Variants in TMEM163 observed in about 807,000 individuals in gnomAD.
The protein encoded by TMEM163 is transmembrane protein 163.
In TMEM163, 17 loss-of-function variants were observed where a neutral mutation model predicts 29.3. The ratio of observed to expected loss-of-function variants is 0.58; its 90% CI spans 0.40 to 0.87. The LOEUF is 0.87. TMEM163 is among the 40% of genes least tolerant of loss of function. The pLI is 0.00. For synonymous variants in TMEM163, 157 were observed against 160.6 expected, an observed-to-expected ratio of 0.98 and a Z score of 0.17; for missense variants, 303 against 381.5, an observed-to-expected ratio of 0.79 and a Z score of 1.71.
chr2:134,669,439 A>G (rs1018617465), intron 2 of TMEM163, among the ~76,000 whole-genome samples: 3 of 152,254 alleles, frequency 2.0e-5, no homozygotes, highest in African/African-American at 7.2e-5. Flanking sequence ...TCAGATCCCT[A>G]GTACAGATTC....
intron 2 of TMEM163, among the ~76,000 whole-genome samples, chr2:134,670,257 A>T (rs529004044): frequency 6.6e-6 from 1 of 152,256 alleles, no homozygotes; most frequent in East Asian, 1.9e-4. Flanking sequence ...TTTAAAAAAA[A>T]AAGTAAGAGT....
In TMEM163 at chr2:134,677,517, A is replaced by G. The variant is rs575398221; in HGVS notation, c.322+35683T>C. On this transcript the variant is annotated intron_variant, in intron 2 of 7. Coordinates refer to ENST00000281924, the MANE Select transcript of TMEM163 (RefSeq NM_030923.5). ...ATTGCTTTTATAAGCAAAAGAAAAA[A>G]GTTAAATTCCTCTTGCGGGGAGCAG... Among the ~76,000 whole-genome samples, 15 of 152,334 alleles carry G rather than the reference A, an allele frequency of 9.8e-5. No homozygotes were observed. In the South Asian group the frequency reaches 3.1e-3, roughly 32 times the overall value.
intron 2 of TMEM163, among the ~76,000 whole-genome samples, chr2:134,598,639 C>T (rs890859285): frequency 2.6e-5 from 4 of 152,076 alleles, no homozygotes; most frequent in Non-Finnish European, 4.4e-5. Context: ...GCAGGCTGGG[C>T]GTGGTGGCTC....
chr2:134,701,159 A>C (rs1386893469), intron 2 of TMEM163, among the ~76,000 whole-genome samples: 2 of 151,946 alleles, frequency 1.3e-5, no homozygotes, highest in African/African-American at 4.8e-5. Flanking sequence ...CAAATTAAAA[A>C]GTTAAATATA....
chr2:134,540,101 C>A (rs961098945), intron 4 of TMEM163, among the ~76,000 whole-genome samples: 2 of 152,202 alleles, frequency 1.3e-5, no homozygotes, highest in Non-Finnish European at 2.9e-5. Context: ...GAAACAGGGG[C>A]CCCATCCATA....
chr2:134,707,257 G>C (rs1373318058), intron 2 of TMEM163, among the ~76,000 whole-genome samples: 1 of 152,226 alleles, frequency 6.6e-6, no homozygotes, highest in African/African-American at 2.4e-5. Context: ...GCCCGGGGCT[G>C]TGAAAAGTCC....
intron 2 of TMEM163, among the ~76,000 whole-genome samples, chr2:134,560,163 G>C (rs79275826): frequency 2.0e-5 from 3 of 152,074 alleles, no homozygotes; most frequent in Non-Finnish European, 2.9e-5. Context: ...ACCTGCCCTC[G>C]TTCCCAATCT....
intron 2 of TMEM163, among the ~76,000 whole-genome samples, chr2:134,639,569 C>A (rs185723327): frequency 5.3e-5 from 8 of 152,314 alleles, no homozygotes; most frequent in African/African-American, 1.9e-4. Flanking sequence ...AGGCTCACAG[C>A]AAAATGTCAC....
intron 2 of TMEM163, among the ~76,000 whole-genome samples, chr2:134,593,104 A>G (rs2104803611): frequency 6.6e-6 from 1 of 152,314 alleles, no homozygotes; most frequent in East Asian, 1.9e-4. Context: ...ACTGATTAAG[A>G]TGCTACGAGC....
At chr2:134,457,648 A>C (rs1447046246) in intron 7 of TMEM163, among the ~76,000 whole-genome samples, 1 of 152,210 alleles carries the variant, frequency 6.6e-6, no homozygotes, top group Non-Finnish European at 1.5e-5. Flanking sequence ...ACACTGTTGC[A>C]TCCCCCATTT....
At chr2:134,520,436 A>G (rs1680168381) in intron 4 of TMEM163, among the ~76,000 whole-genome samples, 2 of 152,228 alleles carry the variant, frequency 1.3e-5, no homozygotes, top group Admixed American at 1.3e-4. Flanking sequence ...GCAACCTAGC[A>G]GGGTATGACC....
intron 2 of TMEM163, among the ~76,000 whole-genome samples, chr2:134,629,336 T>C (rs1003102512): frequency 3.3e-5 from 5 of 152,214 alleles, no homozygotes; most frequent in Non-Finnish European, 7.3e-5. Context: ...AAAAAATATA[T>C]TAATCGTTTC....
At chr2:134,519,889 CAAA>C (rs552174731) in intron 4 of TMEM163, among the ~76,000 whole-genome samples, 9 of 96,164 alleles carry the variant, frequency 9.4e-5, no homozygotes, top group East Asian at 2.5e-4. Context: ...GACCCCACCT[CAAA>C]AAAAAAAAAA....
chr2:134,718,075 G>C (rs776656111), intron 1 of TMEM163, among the ~76,000 whole-genome samples: 23 of 152,362 alleles, frequency 1.5e-4, no homozygotes, highest in Non-Finnish European at 2.4e-4. Flanking sequence ...CATCCATCCA[G>C]ATGAGGTTGG....
intron 2 of TMEM163, among the ~76,000 whole-genome samples, chr2:134,682,819 A>T (rs180703295): frequency 1.7e-4 from 26 of 152,344 alleles, no homozygotes; most frequent in Admixed American, 3.9e-4. Context: ...ACCTGCACAC[A>T]GATGTTTATA....
chr2:134,561,543 G>T (rs1224018778), intron 2 of TMEM163, among the ~76,000 whole-genome samples: 2 of 152,162 alleles, frequency 1.3e-5, no homozygotes, highest in East Asian at 1.9e-4. Context: ...TGGAGACAGG[G>T]TTTCACCGTG....
intron 4 of TMEM163, among the ~76,000 whole-genome samples, chr2:134,510,636 G>A (rs1448566902): frequency 2.0e-5 from 3 of 152,162 alleles, no homozygotes; most frequent in Non-Finnish European, 4.4e-5. Flanking sequence ...GAGGAGAAGG[G>A]TACAAGGACA....
intron 4 of TMEM163, among the ~76,000 whole-genome samples, chr2:134,536,809 T>A (rs762757716): frequency 3.3e-5 from 5 of 152,182 alleles, no homozygotes; most frequent in Non-Finnish European, 7.3e-5. Flanking sequence ...CCTTGACTCC[T>A]GGGTCACGGT....
At position 134,597,095 on chromosome 2, in the gene TMEM163, T is replaced by C. The variant is rs527785081; in HGVS notation, c.323-45004A>G. ...TTGACTTCCTCTTTTCCTAATTGAA[T>C]ACCCTTTATTTCTTTCTCCTGCCTG... On this transcript the variant is annotated intron_variant, in intron 2 of 7. Transcript: ENST00000281924. 1.2e-4 allele frequency among the ~76,000 whole-genome samples: 18 copies of C among 152,288 alleles called. No homozygotes were observed. The South Asian group carries it at 3.7e-3, about 32-fold the overall frequency.
Sources: allele counts gnomAD v4.1 joint callset (sites outside exome capture counted in the v4.1 genomes callset), GRCh38; gene constraint gnomAD v4.1.1; transcripts MANE v1.5; gene names NCBI Gene and HGNC (gene_info 2026-07-23, HGNC 2026-07-21).